DLG2: variants seen among roughly 807,000 people sequenced by gnomAD.
DLG2 encodes the protein discs large MAGUK scaffold protein 2, also known as disks large homolog 2.
A neutral mutation model predicts 132.5 loss-of-function variants in DLG2; 45 were observed. The observed-to-expected ratio is 0.34, with a 90% confidence interval of 0.27 to 0.44. DLG2 has a LOEUF of 0.44. Ranked by LOEUF, DLG2 falls within the 20% of genes least tolerant of loss-of-function variation. DLG2 has a pLI of 1.00. For missense variants in DLG2, 1,045 were observed against 1,196.9 expected (o/e 0.87, Z 1.87); for synonymous variants, 424 against 419.6 (o/e 1.01, Z -0.13).
At chr11:83,515,105 C>A (rs1240186125) in intron 21 of DLG2, among the ~76,000 whole-genome samples, 4 of 152,134 alleles carry the variant, frequency 2.6e-5, no homozygotes, top group Admixed American at 1.3e-4. Context: ...AGGAATGGTA[C>A]CAGCTCCTCC....
intron 16 of DLG2, among the ~76,000 whole-genome samples, chr11:83,842,349 A>T (rs1169536145): frequency 6.6e-6 from 1 of 152,004 alleles, no homozygotes; most frequent in Admixed American, 6.5e-5. Flanking sequence ...TAATCCCAGC[A>T]CTCTGGGAGG....
chr11:84,584,674 CTTTTTTTTTTTTTTTTTT>C (rs71036428), intron 6 of DLG2, among the ~76,000 whole-genome samples: 1 of 55,774 alleles, frequency 1.8e-5, no homozygotes, highest in Non-Finnish European at 3.1e-5. Flanking sequence ...CCCAGCATTC[CTTTTTTTTTTTTTTTTTT>C]TTTTTTTTTT....
intron 6 of DLG2, among the ~76,000 whole-genome samples, chr11:84,870,423 T>C (rs1202651796): frequency 3.3e-5 from 5 of 152,314 alleles, no homozygotes; most frequent in Admixed American, 2.6e-4. Flanking sequence ...AAGACTAAGA[T>C]ATTCCAACTG....
intron 7 of DLG2, among the ~76,000 whole-genome samples, chr11:84,430,438 AAAAAAAAAAAAGAAAAG>A (rs1477394429): frequency 8.4e-6 from 1 of 118,386 alleles, no homozygotes. Context: ...ACTCCATCTC[AAAAAAAAAAAAGAAAAG>A]AAAAAAAAAA....
intron 2 of DLG2, among the ~76,000 whole-genome samples, chr11:85,605,830 T>G (rs2080492410): frequency 6.6e-6 from 1 of 151,968 alleles, no homozygotes; most frequent in African/African-American, 2.4e-5. Flanking sequence ...AATGCAAAAA[T>G]TAGCTGGACA....
intron 26 of DLG2, among the ~76,000 whole-genome samples, chr11:83,465,801 C>T (rs1430216625): frequency 6.6e-6 from 1 of 152,176 alleles, no homozygotes; most frequent in Non-Finnish European, 1.5e-5. Flanking sequence ...GGAGCTAAAT[C>T]TTAGAAAGGT....
intron 21 of DLG2, among the ~76,000 whole-genome samples, chr11:83,522,937 T>G (rs1482037783): frequency 1.3e-5 from 2 of 152,100 alleles, no homozygotes. Flanking sequence ...AAAAAAACCT[T>G]TTTACCCACA....
At chr11:85,353,226 CAT>C (rs1275388794) in intron 3 of DLG2, among the ~76,000 whole-genome samples, 1 of 152,122 alleles carries the variant, frequency 6.6e-6, no homozygotes, top group Non-Finnish European at 1.5e-5. Flanking sequence ...AGCCAACAGA[CAT>C]GTGAAAAAAT....
At chr11:83,982,480 T>TAAAAAAAAAAAAAAAAAAAA (rs58418988) in intron 11 of DLG2, among the ~76,000 whole-genome samples, 1 of 68,622 alleles carries the variant, frequency 1.5e-5, no homozygotes, top group African/African-American at 4.8e-5. Flanking sequence ...GTTTAACGTG[T>TAAAAAAAAAAAAAAAAAAAA]AAAAAAAAAA....
chr11:84,364,816 T>G (rs1302224478), intron 7 of DLG2, among the ~76,000 whole-genome samples: 1 of 152,204 alleles, frequency 6.6e-6, no homozygotes, highest in East Asian at 1.9e-4. Flanking sequence ...ATTACATTTA[T>G]TGATTTGTGT....
chr11:83,937,708 TAC>T (rs1279647115), intron 14 of DLG2, among the ~76,000 whole-genome samples: 1 of 151,846 alleles, frequency 6.6e-6, no homozygotes, highest in Non-Finnish European at 1.5e-5. Context: ...AAATGACAAA[TAC>T]ACACACACAT....
At chr11:83,778,500 C>T (rs545315600) in intron 18 of DLG2, among the ~76,000 whole-genome samples, 33 of 152,042 alleles carry the variant, frequency 2.2e-4, no homozygotes, top group African/African-American at 7.0e-4. Flanking sequence ...TACTTTATTA[C>T]GGAATGAAAG....
At position 85,278,571 on chromosome 11, in the gene DLG2, G is replaced by T. The variant is rs146851923; in HGVS notation, c.186+6649C>A. On this transcript the variant is annotated intron_variant, in intron 4 of 27. Coordinates refer to ENST00000376104, the MANE Select transcript of DLG2 (RefSeq NM_001142699.3). ...GCCGAGATGGTTTCATTGCACTCCA[G>T]CCTGGGCAACAAAAGCAAAACTCTG... 1.4e-4 allele frequency among the ~76,000 whole-genome samples: 22 copies of T among 152,008 alleles called. 1 individual carries two copies. The East Asian group carries it at 4.3e-3, about 29-fold the overall frequency.
At chr11:84,025,696 C>T (rs2095519080) in intron 11 of DLG2, among the ~76,000 whole-genome samples, 2 of 152,068 alleles carry the variant, frequency 1.3e-5, no homozygotes, top group African/African-American at 2.4e-5. Context: ...ATAACAAACA[C>T]CATATTTTAT....
At chr11:84,269,953 C>T (rs987884716) in intron 7 of DLG2, among the ~76,000 whole-genome samples, 1 of 152,194 alleles carries the variant, frequency 6.6e-6, no homozygotes, top group Non-Finnish European at 1.5e-5. Context: ...CTTTTGGGCA[C>T]TTGTCCTGTC....
At chr11:85,083,184 C>A (rs895038200) in intron 6 of DLG2, among the ~76,000 whole-genome samples, 4 of 152,080 alleles carry the variant, frequency 2.6e-5, no homozygotes, top group Admixed American at 1.3e-4. Flanking sequence ...AGTAAAACTG[C>A]AGAAAAGCAG....
chr11:84,293,535 ATAGTGGCAGGCACCTGTAATATCAGCTAC>A (rs1204842461), intron 7 of DLG2, among the ~76,000 whole-genome samples: 1 of 152,108 alleles, frequency 6.6e-6, no homozygotes, highest in African/African-American at 2.4e-5. Context: ...TTAGCCGTGC[ATAGTGGCAGGCACCTGTAATATCAGCTAC>A]TTGGGAGGCT....
intron 5 of DLG2, among the ~76,000 whole-genome samples, chr11:85,126,709 G>C (rs1409224789): frequency 2.0e-5 from 3 of 152,080 alleles, no homozygotes; most frequent in Admixed American, 1.3e-4. Flanking sequence ...AGTGTCATTG[G>C]CAGGATAAAT....
chr11:83,641,851 AAG>A (rs1264209960), intron 18 of DLG2, among the ~76,000 whole-genome samples: 13 of 136,962 alleles, frequency 9.5e-5, no homozygotes, highest in African/African-American at 3.4e-4. Context: ...TTACAAATCC[AAG>A]AGAGAGGGAG....
Sources: gnomAD v4.1 joint callset for allele counts (sites outside exome capture counted in the v4.1 genomes callset) on GRCh38, gnomAD v4.1.1 for gene constraint, MANE v1.5 for transcripts, NCBI Gene and HGNC (gene_info 2026-07-23, HGNC 2026-07-21) for gene names.